Variants in RGSL1 observed in about 807,000 individuals in gnomAD.
RGSL1 encodes the protein regulator of G protein signaling protein-like.
A neutral mutation model predicts 124.7 loss-of-function variants in RGSL1; 97 were observed. That is an observed-to-expected ratio of 0.78 (90% CI 0.66 to 0.92). The LOEUF is 0.92. Ranked by LOEUF, RGSL1 falls within the 40% of genes least tolerant of loss-of-function variation. RGSL1 has a pLI of 0.00. For synonymous variants in RGSL1, 424 were observed against 438.1 expected (o/e 0.97, Z 0.40); for missense variants, 1,233 against 1,288.4 (o/e 0.96, Z 0.66).
intron 9 of RGSL1, among the ~76,000 whole-genome samples, chr1:182,493,521 T>C (rs534674762): frequency 1.1e-4 from 17 of 151,960 alleles, no homozygotes; most frequent in Non-Finnish European, 2.1e-4. Context: ...GAAGGCAGGA[T>C]TGGGGAGAGG....
chr1:182,511,185 GA>G (rs1331758093), intron 9 of RGSL1, among the ~76,000 whole-genome samples: 1 of 151,924 alleles, frequency 6.6e-6, no homozygotes, highest in Admixed American at 6.5e-5. Flanking sequence ...ATTTTTTTGA[GA>G]TAGAGATTTG....
At chr1:182,545,278 A>G (rs1193709083) in intron 15 of RGSL1, among the ~76,000 whole-genome samples, 1 of 152,166 alleles carries the variant, frequency 6.6e-6, no homozygotes, top group Non-Finnish European at 1.5e-5. Context: ...CAAAGAAAAA[A>G]CTAAAATGAA....
chr1:182,450,147 T>C lies in RGSL1; in HGVS notation c.-19T>C, dbSNP rs2101968174. The C allele has an allele frequency of 3.2e-6, 5 of 1,551,966 alleles. No homozygotes were observed. The East Asian group carries it at 9.8e-5, about 30-fold the overall frequency. ...ATTCTGCCCCTAACAAATTACTGTGTCAGGAAGAGCATGGCAACATGAGCA... is the reference window on the plus strand; with the variant it reads ...ATTCTGCCCCTAACAAATTACTGTGCCAGGAAGAGCATGGCAACATGAGCA... On this transcript the variant is annotated 5_prime_UTR_variant, in exon 1 of 22. Transcript: ENST00000294854.
intron 4 of RGSL1, among the ~76,000 whole-genome samples, chr1:182,463,569 C>G (rs1305409391): frequency 2.0e-5 from 3 of 151,930 alleles, no homozygotes; most frequent in Non-Finnish European, 2.9e-5. Flanking sequence ...CACTGTCTTC[C>G]CTCCCCTTCC....
chr1:182,522,930 C>T (rs987971731), intron 10 of RGSL1, among the ~76,000 whole-genome samples: 4 of 152,118 alleles, frequency 2.6e-5, no homozygotes, highest in Non-Finnish European at 5.9e-5. Context: ...AAAAGGTCCT[C>T]TTCTAGATGT....
intron 9 of RGSL1, among the ~76,000 whole-genome samples, chr1:182,493,428 T>G (rs995780451): frequency 1.1e-4 from 17 of 152,256 alleles, no homozygotes; most frequent in Admixed American, 1.0e-3. Flanking sequence ...ATTCTTCTTC[T>G]GTCAAGTTAC....
intron 13 of RGSL1, 105 bp from the exon 14 acceptor site, chr1:182,532,557 T>G: frequency 1.9e-6 from 2 of 1,038,340 alleles, no homozygotes; most frequent in Non-Finnish European, 2.8e-6. Flanking sequence ...TACGGAGGTG[T>G]TGTGAGGATT....
At chr1:182,535,183 A>G (rs1659452612) in intron 14 of RGSL1, among the ~76,000 whole-genome samples, 1 of 152,184 alleles carries the variant, frequency 6.6e-6, no homozygotes, top group African/African-American at 2.4e-5. Context: ...CCCCTCTTCA[A>G]TAGAACTCCC....
chr1:182,528,771 T>C (rs1658945184), intron 11 of RGSL1, among the ~76,000 whole-genome samples: 1 of 152,206 alleles, frequency 6.6e-6, no homozygotes, highest in South Asian at 2.1e-4. Context: ...ACCAATTTAC[T>C]GTGTTAGTCC....
chr1:182,481,246 TA>T (rs1654685309), intron 6 of RGSL1, among the ~76,000 whole-genome samples: 12 of 151,984 alleles, frequency 7.9e-5, no homozygotes, highest in African/African-American at 2.9e-4. Context: ...TAAATAAAAT[TA>T]TAAATGAAAG....
chr1:182,472,360 G>A, intron 4 of RGSL1, 36 bp from the exon 5 acceptor site: 5 of 1,508,206 alleles, frequency 3.3e-6, no homozygotes, highest in Non-Finnish European at 4.5e-6. Flanking sequence ...GGCAAAACTA[G>A]GGTATAGCTC....
At position 182,526,003 on chromosome 1, in the gene RGSL1, A is replaced by G. The variant is rs545842492; in HGVS notation, c.1932-1576A>G. 1.2e-4 allele frequency among the ~76,000 whole-genome samples: 18 copies of G among 152,330 alleles called. 1 individual carries two copies. The South Asian group carries it at 3.7e-3, about 32-fold the overall frequency. ...ATGCAATACATAAATTTCTAGAAAT[A>G]CCCAAATTATTGAAGTAAGCTAGCT... On this transcript the variant is annotated intron_variant, in intron 10 of 21. Transcript: ENST00000294854.
chr1:182,456,845 T>C (rs1652374376), intron 2 of RGSL1, among the ~76,000 whole-genome samples: 1 of 152,074 alleles, frequency 6.6e-6, no homozygotes, highest in Admixed American at 6.6e-5. Context: ...GTAGGAAGTA[T>C]TTTCCCTTTT....
At chr1:182,543,034 C>T (rs1456591204) in intron 15 of RGSL1, among the ~76,000 whole-genome samples, 2 of 152,028 alleles carry the variant, frequency 1.3e-5, no homozygotes, top group African/African-American at 2.4e-5. Flanking sequence ...AGTTTGAATG[C>T]CCTTTATTTC....
chr1:182,510,416 T>A (rs1657328809), intron 9 of RGSL1, among the ~76,000 whole-genome samples: 1 of 41,390 alleles, frequency 2.4e-5, no homozygotes, highest in South Asian at 4.8e-4. Flanking sequence ...CGAGACTCCG[T>A]CTGCAATCCC....
chr1:182,551,221 C>T lies in RGSL1; in HGVS notation c.3043+12C>T, dbSNP rs185887035. ...TTTCTCGAGTGGAGGTAAGCTCCAC[C>T]ACGACTCACAGCCCCATTCTCCAGC... is the stretch of plus-strand genomic sequence containing the variant. On this transcript the variant is annotated intron_variant, in intron 18 of 21. Transcript: ENST00000294854. 1,771 of 1,522,008 alleles carry T rather than the reference C, an allele frequency of 1.2e-3. 24 individuals are homozygous for T. In the African/African-American group the frequency reaches 0.022, roughly 19 times the overall value. 94.3% of individuals were successfully genotyped at this position (1,522,008 alleles called of 1,614,324 possible). A position where few individuals can be genotyped will look rare whatever the true frequency, so the allele number is the denominator to read the frequency against.
At chr1:182,514,752 C>T (rs940679893) in intron 9 of RGSL1, among the ~76,000 whole-genome samples, 5 of 152,158 alleles carry the variant, frequency 3.3e-5, no homozygotes, top group Admixed American at 3.3e-4. Flanking sequence ...TAGGACCTTT[C>T]TACAGAAAAG....
chr1:182,454,961 C>T (rs559797926), intron 2 of RGSL1, among the ~76,000 whole-genome samples: 4 of 152,146 alleles, frequency 2.6e-5, no homozygotes, highest in East Asian at 3.9e-4. Context: ...GGAGAAGCAC[C>T]CTCTCTATCC....
At chr1:182,544,796 T>G (rs1338314515) in intron 15 of RGSL1, among the ~76,000 whole-genome samples, 1 of 152,092 alleles carries the variant, frequency 6.6e-6, no homozygotes, top group Admixed American at 6.6e-5. Flanking sequence ...TTATCTGATA[T>G]AACTATAGCT....
Sources: allele counts gnomAD v4.1 joint callset (sites outside exome capture counted in the v4.1 genomes callset), GRCh38; gene constraint gnomAD v4.1.1; transcripts MANE v1.5; gene names NCBI Gene and HGNC (gene_info 2026-07-23, HGNC 2026-07-21).